The following ABI3BP variants were observed in gnomAD, a reference collection of about 807,000 sequenced individuals.
ABI3BP encodes the protein ABI family member 3 binding protein.
In ABI3BP, 216 loss-of-function variants were observed where a neutral mutation model predicts 268.6. The observed-to-expected ratio is 0.80, with a 90% CI of 0.72 to 0.90. The LOEUF is 0.90. Ranked by LOEUF, ABI3BP falls within the 40% of genes least tolerant of loss-of-function variation. The pLI is 0.00. For missense variants in ABI3BP, 2,090 were observed against 2,182.4 expected (o/e 0.96, Z 0.84); for synonymous variants, 730 against 730.0 (o/e 1.00, Z 0.00).
At chr3:100,912,179 C>T (rs560686750) in intron 2 of ABI3BP, 7 of 286,756 alleles carry the variant, frequency 2.4e-5, no homozygotes, top group Admixed American at 1.6e-4. Context: ...ACCCTTCGTG[C>T]TGCCGTCGGC....
At position 100,829,478 on chromosome 3, in the gene ABI3BP, TCTGATGTGGAATCAG is replaced by T. The variant is rs993654233; in HGVS notation, c.2542+88_2542+102del. The T allele has an allele frequency of 5.7e-6, 6 of 1,060,566 alleles. No homozygotes were observed. In the African/African-American group the frequency reaches 9.4e-5, roughly 17 times the overall value. 65.7% of individuals were successfully genotyped at this position (1,060,566 alleles called of 1,614,324 possible). On this transcript the variant is annotated intron_variant, in intron 33 of 67. Coordinates refer to ENST00000471714, the MANE Select transcript of ABI3BP (RefSeq NM_001375547.2). ...CCCAGCCCTGTTCCTCATTGCCTAG[TCTGATGTGGAATCAG>T]CTGCTGACCATGCCCAGCTACTTCA... is the stretch of plus-strand genomic sequence containing the variant.
At chr3:100,845,095 C>A (rs936852675) in intron 20 of ABI3BP, among the ~76,000 whole-genome samples, 1 of 152,064 alleles carries the variant, frequency 6.6e-6, no homozygotes, top group African/African-American at 2.4e-5. Context: ...TTGAGAGAAA[C>A]CTTATTTAAA....
At chr3:100,829,744 T>C in intron 32 of ABI3BP, 80 bp from the exon 33 acceptor site, 2 of 1,123,472 alleles carry the variant, frequency 1.8e-6, no homozygotes, top group Non-Finnish European at 2.6e-6. Context: ...TTATAATTTC[T>C]TGACTTCCAA....
At chr3:100,925,796 TACATTTTA>T (rs781601278) in intron 2 of ABI3BP, among the ~76,000 whole-genome samples, 4 of 152,150 alleles carry the variant, frequency 2.6e-5, no homozygotes, top group Non-Finnish European at 4.4e-5. Context: ...ATCCTCAATT[TACATTTTA>T]ACATAATTTA....
intron 9 of ABI3BP, among the ~76,000 whole-genome samples, chr3:100,869,323 CTTTTTGGTTTTT>C (rs1447864168): frequency 0.038 from 2,875 of 75,574 alleles, 118 homozygotes; most frequent in African/African-American, 0.13. Flanking sequence ...TTTTCTTCTT[CTTTTTGGTTTTT>C]TTTTTTTTTT....
intron 12 of ABI3BP, 35 bp downstream of exon 12, chr3:100,863,967 G>T: frequency 7.3e-7 from 1 of 1,370,000 alleles, no homozygotes; most frequent in Non-Finnish European, 1.0e-6. Flanking sequence ...AATATCCAAG[G>T]TAATAATAAA....
At chr3:100,953,040 A>C (rs1261564099) in intron 1 of ABI3BP, among the ~76,000 whole-genome samples, 1 of 152,042 alleles carries the variant, frequency 6.6e-6, no homozygotes, top group Non-Finnish European at 1.5e-5. Context: ...GTCATCTTTG[A>C]TTCTTTTCAC....
chr3:100,783,352 T>C (rs570224098), intron 57 of ABI3BP, among the ~76,000 whole-genome samples: 1 of 152,242 alleles, frequency 6.6e-6, no homozygotes, highest in Admixed American at 6.5e-5. Context: ...CATTAGGGTG[T>C]AGAGAAAGGA....
chr3:100,830,708 CA>C, intron 31 of ABI3BP, 74 bp from the exon 32 acceptor site: 5 of 1,268,314 alleles, frequency 3.9e-6, no homozygotes, highest in African/African-American at 1.5e-5. Flanking sequence ...ATCTTACCAC[CA>C]AAAATCGGAT....
intron 1 of ABI3BP, among the ~76,000 whole-genome samples, chr3:100,992,581 A>G (rs926584764): frequency 6.6e-6 from 1 of 152,224 alleles, no homozygotes; most frequent in Non-Finnish European, 1.5e-5. Context: ...TGCAACATTT[A>G]TGTTCAGAGA....
chr3:100,765,914 T>G lies in ABI3BP; in HGVS notation c.4777A>C (p.Ser1593Arg), dbSNP rs750004383. 1.2e-6 allele frequency: 2 copies of G among 1,612,918 alleles called. No homozygotes were observed. The highest frequency in any genetic ancestry group is 1.1e-5 in the South Asian group (1 of 90,726). Residue 1593 changes from serine (S) to arginine (R), a missense_variant, in exon 63 of 68, where the codon AGT becomes CGT. Transcript: ENST00000471714. ...ATTTGAATGGACTTGTTCTTCCCAC[T>G]GAATGACCCATTTTCTCTGGATATA... ...EVISRENGSF[S>R]GKNKSIQMTN...
In ABI3BP at chr3:100,811,791, T is replaced by G; in HGVS notation, c.3430A>C (p.Lys1144Gln). The change falls in exon 47 of 68, where the codon AAA becomes CAA. Residue 1144 changes from lysine (K) to glutamine (Q), a missense_variant. Coordinates refer to ENST00000471714, the MANE Select transcript of ABI3BP (RefSeq NM_001375547.2). The part of the protein sequence containing the change: ...ESPKETIAPA[K>Q]TDYVYPTAKA... ...GCAGTGGGATATACATAGTCTGTTT[T>G]GGCTGGTGCTAGGGAAGAAACGGGA... 1 of 1,535,480 alleles carries G rather than the reference T, an allele frequency of 6.5e-7. No homozygotes were observed. Among genetic ancestry groups the G allele is most frequent in the Non-Finnish European group, 8.7e-7 (1 of 1,146,430 alleles).
intron 14 of ABI3BP, among the ~76,000 whole-genome samples, chr3:100,857,861 T>C (rs2098956809): frequency 6.6e-6 from 1 of 152,182 alleles, no homozygotes; most frequent in Non-Finnish European, 1.5e-5. Flanking sequence ...GCCCCTTGAA[T>C]CTCCTAGAAG....
intron 56 of ABI3BP, 96 bp downstream of exon 56, chr3:100,789,358 A>C: frequency 8.6e-7 from 1 of 1,156,402 alleles, no homozygotes; most frequent in Non-Finnish European, 1.2e-6. Flanking sequence ...TCTTATTGCA[A>C]TGTAAGGGTT....
chr3:100,926,383 G>A lies in ABI3BP; in HGVS notation c.178C>T (p.Leu60Phe). ...GATACATTGCTGCCATATCCCAGGA[G>A]AAGACCTTCAAGCTTTACATTTGGA... The part of the protein sequence containing the change: ...PSPNVKLEGL[L>F]LGYGSNVSPN... The change falls in exon 2 of 68, where the codon CTC (leucine) becomes TTC (phenylalanine). Residue 60 changes from leucine to phenylalanine, a missense_variant. Leu to Phe is a conservative substitution (Grantham distance 22). Transcript: ENST00000471714. 1 of 1,613,520 alleles carries A rather than the reference G, an allele frequency of 6.2e-7. No individual in the cohort carries two copies. The highest frequency in any genetic ancestry group is 8.5e-7 in the Non-Finnish European group (1 of 1,179,596).
intron 14 of ABI3BP, among the ~76,000 whole-genome samples, chr3:100,858,956 A>C (rs561817109): frequency 6.6e-6 from 1 of 152,252 alleles, no homozygotes; most frequent in African/African-American, 2.4e-5. Context: ...TTGCCTTCTA[A>C]TTAATTATGA....
At chr3:100,946,784 G>A (rs1202513022) in intron 1 of ABI3BP, among the ~76,000 whole-genome samples, 15 of 137,176 alleles carry the variant, frequency 1.1e-4, no homozygotes, top group Admixed American at 3.0e-4. Context: ...GTGAAACTCC[G>A]TTTCAAAAAA....
chr3:100,937,757 C>A (rs1334278622), intron 1 of ABI3BP, among the ~76,000 whole-genome samples: 1 of 152,066 alleles, frequency 6.6e-6, no homozygotes, highest in African/African-American at 2.4e-5. Flanking sequence ...CCAACGTAGT[C>A]TATGCTCTGC....
intron 1 of ABI3BP, among the ~76,000 whole-genome samples, chr3:100,989,399 C>T (rs1285205449): frequency 1.3e-5 from 2 of 152,146 alleles, no homozygotes; most frequent in African/African-American, 4.8e-5. Context: ...AGAATGTTAC[C>T]TGTGATAATA....
Sources: gnomAD v4.1 joint callset for allele counts (sites outside exome capture counted in the v4.1 genomes callset) on GRCh38, gnomAD v4.1.1 for gene constraint, MANE v1.5 for transcripts, NCBI Gene and HGNC (gene_info 2026-07-23, HGNC 2026-07-21) for gene names.